The following FOCAD variants were observed in gnomAD, a reference collection of about 807,000 sequenced individuals.
FOCAD encodes focadhesin, also known as KIAA1797.
A neutral mutation model predicts 225.6 loss-of-function variants in FOCAD; 198 were observed. The observed-to-expected ratio is 0.88, with a 90% CI of 0.78 to 0.99. The LOEUF is 0.99. Ranked by LOEUF, FOCAD falls within the 50% of genes least tolerant of loss-of-function variation. FOCAD has a pLI of 0.00. For synonymous variants in FOCAD, 897 were observed against 755.0 expected, an observed-to-expected ratio of 1.19 and a Z score of -3.08; for missense variants, 2,713 against 2,123.6, an observed-to-expected ratio of 1.28 and a Z score of -5.46.
chr9:20,714,620 C>CTGCT (rs1462151386), intron 1 of FOCAD, among the ~76,000 whole-genome samples: 2 of 110,286 alleles, frequency 1.8e-5, no homozygotes, highest in Non-Finnish European at 3.8e-5. Context: ...GCCTGCCTGC[C>CTGCT]TGCCTGCCTG....
intron 19 of FOCAD, chr9:20,875,292 G>T (rs1317600891): frequency 6.4e-6 from 1 of 155,724 alleles, no homozygotes; most frequent in Non-Finnish European, 1.4e-5. Flanking sequence ...TTAAAAGATG[G>T]ATCAAATTGT....
chr9:20,941,797 C>G (rs1000734827), intron 28 of FOCAD, among the ~76,000 whole-genome samples: 3 of 152,178 alleles, frequency 2.0e-5, no homozygotes, highest in Non-Finnish European at 4.4e-5. Context: ...GACACCAACA[C>G]TTAACTCCTT....
At chr9:20,958,520 T>C (rs1393405491) in intron 35 of FOCAD, among the ~76,000 whole-genome samples, 1 of 152,178 alleles carries the variant, frequency 6.6e-6, no homozygotes, top group Non-Finnish European at 1.5e-5. Flanking sequence ...TCTCAAACAT[T>C]TATCATTTCT....
chr9:20,927,821 C>T (rs575238344), intron 26 of FOCAD: 1 of 152,036 alleles, frequency 6.6e-6, no homozygotes, highest in African/African-American at 2.4e-5. Context: ...ATGAATTTAG[C>T]TTAAAACCTT....
intron 15 of FOCAD, among the ~76,000 whole-genome samples, chr9:20,827,029 A>G (rs1371136352): frequency 6.6e-6 from 1 of 152,138 alleles, no homozygotes; most frequent in Non-Finnish European, 1.5e-5. Context: ...TTTTTTAAAA[A>G]GCAATTTTAT....
intron 25 of FOCAD, among the ~76,000 whole-genome samples, chr9:20,925,379 T>C (rs1181823526): frequency 2.0e-5 from 3 of 152,142 alleles, no homozygotes; most frequent in Non-Finnish European, 4.4e-5. Flanking sequence ...AGAGTTTGAG[T>C]TCCAGCCTCT....
intron 34 of FOCAD, among the ~76,000 whole-genome samples, chr9:20,951,406 C>T (rs993007216): frequency 2.6e-5 from 4 of 152,062 alleles, no homozygotes; most frequent in African/African-American, 7.2e-5. Context: ...ATTTCACAAA[C>T]GAAGAACTCA....
chr9:20,823,397 T>C (rs1824536405), intron 15 of FOCAD, among the ~76,000 whole-genome samples: 1 of 152,084 alleles, frequency 6.6e-6, no homozygotes, highest in Admixed American at 6.6e-5. Flanking sequence ...GGGAAAGTTA[T>C]GCCTATAGGA....
Position 20,923,766 on chromosome 9 carries a change from G to C in FOCAD, c.2959G>C (p.Glu987Gln). 1.2e-6 allele frequency: 2 copies of C among 1,611,264 alleles called. No individual in the cohort carries two copies. The highest frequency in any genetic ancestry group is 1.3e-5 in the African/African-American group (1 of 74,996). ...CTCCTCAGACTCTGACGGGCTCCTG[G>C]AGGTTAGTTGGGGTGATTTAAACAA... ...SLSSDSDGLL[E>Q]VQPNFLSMKE... is the part of the protein sequence containing the mutation. The change falls in exon 25 of 44, where the codon GAG becomes CAG. Residue 987 changes from glutamate to glutamine, a missense_variant and splice_region_variant. Coordinates refer to ENST00000338382, the MANE Select transcript of FOCAD (RefSeq NM_001375567.1).
intron 11 of FOCAD, among the ~76,000 whole-genome samples, chr9:20,796,320 G>A (rs1040353736): frequency 5.3e-5 from 8 of 152,164 alleles, no homozygotes; most frequent in South Asian, 2.1e-4. Flanking sequence ...AAACCTTCGG[G>A]TATATACCCA....
At chr9:20,725,043 C>T (rs1343142571) in intron 4 of FOCAD, among the ~76,000 whole-genome samples, 16 of 152,276 alleles carry the variant, frequency 1.1e-4, no homozygotes, top group African/African-American at 2.4e-5. Context: ...CTTGGTGACA[C>T]ATGCCTATAG....
At chr9:20,932,520 T>A (rs1473897662) in intron 27 of FOCAD, among the ~76,000 whole-genome samples, 1 of 152,072 alleles carries the variant, frequency 6.6e-6, no homozygotes, top group Non-Finnish European at 1.5e-5. Context: ...GGTCTAGGAT[T>A]TTCTCCCCTT....
intron 40 of FOCAD, among the ~76,000 whole-genome samples, chr9:20,987,522 A>G (rs1298808213): frequency 6.6e-6 from 1 of 152,034 alleles, no homozygotes; most frequent in Non-Finnish European, 1.5e-5. Flanking sequence ...AAAAAAAAAA[A>G]GAAATTTTGA....
intron 34 of FOCAD, among the ~76,000 whole-genome samples, chr9:20,951,337 T>G (rs1419514889): frequency 6.6e-6 from 1 of 152,176 alleles, no homozygotes; most frequent in Non-Finnish European, 1.5e-5. Flanking sequence ...AAGCTCATAC[T>G]CTTTTTACTC....
At position 20,692,926 on chromosome 9, in the gene FOCAD, G is replaced by A. The variant is rs557899882; in HGVS notation, c.-33+8633G>A. Among the ~76,000 whole-genome samples, 7 of 152,288 alleles carry A rather than the reference G, an allele frequency of 4.6e-5. No homozygotes were observed. The South Asian group carries it at 1.0e-3, about 23-fold the overall frequency. ...TGTATACAGAGATTGGGAGCAATTGGAGGCCATTTTTTGCAAACTGTCCTG... is the reference window on the plus strand; with the variant it reads ...TGTATACAGAGATTGGGAGCAATTGAAGGCCATTTTTTGCAAACTGTCCTG... On this transcript the variant is annotated intron_variant, in intron 1 of 43. Coordinates refer to ENST00000338382, the MANE Select transcript of FOCAD (RefSeq NM_001375567.1).
chr9:20,972,905 T>G (rs1355175390), intron 35 of FOCAD, among the ~76,000 whole-genome samples: 1 of 152,004 alleles, frequency 6.6e-6, no homozygotes, highest in East Asian at 1.9e-4. Context: ...TGGTTCCCTC[T>G]TCTTTCAGCA....
At chr9:20,737,889 C>G (rs182528570) in intron 4 of FOCAD, among the ~76,000 whole-genome samples, 3 of 152,058 alleles carry the variant, frequency 2.0e-5, no homozygotes, top group Non-Finnish European at 2.9e-5. Context: ...GTGACTTAGT[C>G]GAGACATTTA....
At chr9:20,976,593 T>C in intron 36 of FOCAD, 45 bp downstream of exon 36, 1 of 1,591,678 alleles carries the variant, frequency 6.3e-7, no homozygotes, top group Non-Finnish European at 8.6e-7. Flanking sequence ...GATTTTAGTA[T>C]TTGACCTGAA....
chr9:20,877,582 ATATGTATAAATGCT>A (rs1408286215), intron 19 of FOCAD, among the ~76,000 whole-genome samples: 1 of 152,158 alleles, frequency 6.6e-6, no homozygotes, highest in African/African-American at 2.4e-5. Context: ...CCTCAAAACA[ATATGTATAAATGCT>A]TATCACTATG....
Sources: allele counts gnomAD v4.1 joint callset (sites outside exome capture counted in the v4.1 genomes callset), GRCh38; gene constraint gnomAD v4.1.1; transcripts MANE v1.5; gene names NCBI Gene and HGNC (gene_info 2026-07-23, HGNC 2026-07-21).